The following LAMA5 variants were observed in gnomAD, a reference collection of about 807,000 sequenced individuals.
LAMA5 encodes laminin subunit alpha 5, also known as laminin subunit alpha-5.
A neutral mutation model predicts 433.4 loss-of-function variants in LAMA5; 260 were observed. That is an observed-to-expected ratio of 0.60 (90% CI 0.54 to 0.66). The LOEUF (loss-of-function observed/expected upper bound fraction) is 0.66. Ranked by LOEUF, LAMA5 falls within the 30% of genes least tolerant of loss-of-function variation. The pLI is 0.00. For synonymous variants in LAMA5, 2,620 were observed against 2,226.6 expected, an observed-to-expected ratio of 1.18 and a Z score of -4.97; for missense variants, 5,378 against 5,258.5, an observed-to-expected ratio of 1.02 and a Z score of -0.70.
rs886495482 is a variant in LAMA5 at position 62,314,213 on chromosome 20, G to A, written c.8504+91C>T. ...TGGCGAGTGGGCATGGAGAGGTGAA[G>A]GGTGGTGGGTGCACACGGAGAGGGG... On this transcript the variant is annotated intron_variant, in intron 62 of 79. Transcript: ENST00000252999. The A allele has an allele frequency of 2.0e-6, 3 of 1,473,258 alleles. No homozygotes were observed. In the African/African-American group the frequency reaches 4.2e-5, roughly 20 times the overall value. The allele number at this position is 1,473,258 out of a possible 1,614,324, so 91.3% of individuals were successfully genotyped here. A position where few individuals can be genotyped will look rare whatever the true frequency, so the allele number is the denominator to read the frequency against.
In LAMA5 at chr20:62,359,840, C is replaced by T. The variant is rs1985764694; in HGVS notation, c.450+2560G>A. On this transcript the variant is annotated intron_variant, in intron 2 of 79. Coordinates refer to ENST00000252999, the MANE Select transcript of LAMA5 (RefSeq NM_005560.6). This position sits in a 1 kb window ranked among gnomAD's most constrained non-coding sequence, Gnocchi z 4.3. ...CCCTGCGCCAGCCCCTGCCCCACCG[C>T]ACACCAGGGGTATGAGATCCGAACC... 6.6e-6 allele frequency among the ~76,000 whole-genome samples: 1 copy of T among 152,066 alleles called. No homozygotes were observed. Among genetic ancestry groups the T allele is most frequent in the African/African-American group, 2.4e-5 (1 of 41,396 alleles).
chr20:62,329,597 G>A (rs1979972859), intron 32 of LAMA5, among the ~76,000 whole-genome samples, 180 bp downstream of exon 32: 1 of 152,166 alleles, frequency 6.6e-6, no homozygotes, highest in South Asian at 2.1e-4. Flanking sequence ...CAGGGTCCAG[G>A]GCCCCTCTGG....
At position 62,333,118 on chromosome 20, in the gene LAMA5, G is replaced by A. The variant is rs774088496; in HGVS notation, c.3254C>T (p.Pro1085Leu). The change falls in exon 26 of 80, where the codon CCG (proline) becomes CTG (leucine). Residue 1085 changes from proline to leucine, a missense_variant. Physicochemically the swap from Pro to Leu is moderately conservative, Grantham distance 98. Transcript: ENST00000252999. ...CPTEQLSPSH[P>L]PLITCTGSDV... ...ACTGCCCGTGCAGGTGATCAGTGGC[G>A]GGTGCGACGGGCTGAGCTGCTCCGT... 4.1e-6 allele frequency: 6 copies of A among 1,476,008 alleles called. No individual in the cohort carries two copies. Among genetic ancestry groups the A allele is most frequent in the Admixed American group, 2.6e-5 (1 of 38,138 alleles). The allele number at this position is 1,476,008 out of a possible 1,614,324, so 91.4% of individuals were successfully genotyped here.
At chr20:62,334,979 G>C in intron 20 of LAMA5, 42 bp downstream of exon 20, 1 of 1,577,170 alleles carries the variant, frequency 6.3e-7, no homozygotes, top group Non-Finnish European at 8.7e-7. Flanking sequence ...TAAACCGAGG[G>C]GAGGCAGGGC....
intron 11 of LAMA5, among the ~76,000 whole-genome samples, chr20:62,343,151 C>T (rs1017931490): frequency 1.3e-5 from 2 of 152,336 alleles, no homozygotes; most frequent in East Asian, 1.9e-4. Context: ...CAGCTGGTAA[C>T]GGTAGAGCTG....
rs73916517 is a variant in LAMA5, at chr20:62,311,851, G to A, written c.9636-67C>T. On this transcript the variant is annotated intron_variant, in intron 70 of 79. Transcript: ENST00000252999. ...GCCCACCCCCACCTCAGAGGAGACA[G>A]AGGTCCAGGCAAGTGCAGGCGGGCG... 8.3e-4 allele frequency: 925 copies of A among 1,119,404 alleles called. 5 individuals carry two copies. The African/African-American group carries it at 0.014, about 17-fold the overall frequency. 69.3% of individuals were successfully genotyped at this position (1,119,404 alleles called of 1,614,324 possible). A position where few individuals can be genotyped will look rare whatever the true frequency, so the allele number is the denominator to read the frequency against.
intron 45 of LAMA5, 45 bp from the exon 46 acceptor site, chr20:62,322,803 C>G (rs781527393): frequency 3.1e-6 from 4 of 1,280,002 alleles, no homozygotes; most frequent in Admixed American, 3.0e-5. Context: ...CTCTCACCCC[C>G]CCAGGGAGCC....
At chr20:62,366,485 C>T (rs1986738448) in intron 1 of LAMA5, among the ~76,000 whole-genome samples, 1 of 152,232 alleles carries the variant, frequency 6.6e-6, no homozygotes, top group Non-Finnish European at 1.5e-5. Flanking sequence ...CCCTAGACTC[C>T]TCCGAGAGGG....
rs147009084 is a variant in LAMA5 at position 62,309,546 on chromosome 20, G to A, written c.10949-71C>T. 75 of 1,261,668 alleles carry A rather than the reference G, an allele frequency of 5.9e-5. No individual in the cohort carries two copies. The East Asian group carries it at 2.1e-3, about 36-fold the overall frequency. 78.2% of individuals were successfully genotyped at this position (1,261,668 alleles called of 1,614,324 possible). On this transcript the variant is annotated intron_variant, in intron 79 of 79. Transcript: ENST00000252999. Reference sequence around the variant, plus strand: ...AGAGACCCACAGGCCCTTCCCAAACGTCAGTGCCCCACCCAGCCCCTGTCT... The same window carrying A: ...AGAGACCCACAGGCCCTTCCCAAACATCAGTGCCCCACCCAGCCCCTGTCT...
At position 62,324,455 on chromosome 20, in the gene LAMA5, A is replaced by G. The variant is rs916216649; in HGVS notation, c.5629T>C (p.Ser1877Pro). 2.5e-6 allele frequency: 4 copies of G among 1,611,472 alleles called. No individual in the cohort carries two copies. The African/African-American group carries it at 5.3e-5, about 22-fold the overall frequency. Residue 1877 changes from serine to proline, a missense_variant, in exon 42 of 80, where the codon TCT (serine) becomes CCT (proline). Physicochemically the swap from Ser to Pro is moderately conservative, Grantham distance 74 (BLOSUM62 -1). Coordinates refer to ENST00000252999, the MANE Select transcript of LAMA5 (RefSeq NM_005560.6). This position sits in a 1 kb window ranked among gnomAD's most constrained non-coding sequence, Gnocchi z 4.4. ...CCCCTACTCACCACACAGACGCCAGAGCCAGGGAGGCAGCGGTCTGAGTGT... is the reference window on the plus strand; with the variant it reads ...CCCCTACTCACCACACAGACGCCAGGGCCAGGGAGGCAGCGGTCTGAGTGT... ...HGHSDRCLPG[S>P]GVCVDCQHNT...
chr20:62,329,298 C>CA, intron 32 of LAMA5, 45 bp from the exon 33 acceptor site: 1 of 1,454,226 alleles, frequency 6.9e-7, no homozygotes, highest in Non-Finnish European at 9.6e-7. Flanking sequence ...CCAGAGCCTG[C>CA]AGCGGGGAGG....
At chr20:62,336,287 G>A (rs1981612563) in intron 18 of LAMA5, 53 bp downstream of exon 18, 1 of 1,308,770 alleles carries the variant, frequency 7.6e-7, no homozygotes, top group Non-Finnish European at 1.1e-6. Flanking sequence ...ATATACTTGT[G>A]GGCACAGTTC....
intron 11 of LAMA5, among the ~76,000 whole-genome samples, chr20:62,344,144 C>CAA (rs34940052): frequency 7.3e-5 from 6 of 82,642 alleles, no homozygotes; most frequent in Non-Finnish European, 4.8e-5. Flanking sequence ...AACTCCATCT[C>CAA]AAAAAAAAAA....
chr20:62,355,737 C>G lies in LAMA5; in HGVS notation c.451-2486G>C, dbSNP rs675544. Reference sequence around the variant, plus strand: ...CAGACCCTATACCCAGCCCCACACCCGGGCCTCAGCAGCCCCCTGTGGGCC... The same window carrying G: ...CAGACCCTATACCCAGCCCCACACCGGGGCCTCAGCAGCCCCCTGTGGGCC... On this transcript the variant is annotated intron_variant, in intron 2 of 79. Transcript: ENST00000252999. Among the ~76,000 whole-genome samples, 7 of 152,100 alleles carry G rather than the reference C, an allele frequency of 4.6e-5. No individual in the cohort carries two copies. In the East Asian group the frequency reaches 1.4e-3, roughly 30 times the overall value.
intron 73 of LAMA5, 27 bp downstream of exon 73, chr20:62,311,135 G>A (rs1986224696): frequency 6.4e-7 from 1 of 1,564,584 alleles, no homozygotes; most frequent in East Asian, 2.3e-5. Context: ...GCCCCTCTCA[G>A]CCCACCCCAG....
Position 62,331,072 on chromosome 20 carries a change from C to T in LAMA5, c.3610G>A (p.Val1204Ile). ...EFSPEFVEPR[V>I]SCISSHGAFG... ...GCGCCGTGGCTGCTGATGCAGCTGA[C>T]CCGGGGCTCCACGAACTCCGGGCTG... Residue 1204 changes from valine (V) to isoleucine (I), a missense_variant, in exon 29 of 80, where the codon GTC becomes ATC. By Grantham distance (29) the Val-to-Ile change is conservative (BLOSUM62 3). Transcript: ENST00000252999. 3 of 1,604,374 alleles carry T rather than the reference C, an allele frequency of 1.9e-6. No individual in the cohort carries two copies. Among genetic ancestry groups the T allele is most frequent in the Non-Finnish European group, 1.7e-6 (2 of 1,175,626 alleles).
In LAMA5 at chr20:62,325,523, C is replaced by A. The variant is rs2427285; in HGVS notation, c.5322G>T (p.Thr1774=). 0.93 allele frequency: 1,502,568 copies of A among 1,610,980 alleles called. 702,049 individuals carry two copies. Among genetic ancestry groups the A allele is most frequent in the East Asian group, 0.98 (44,128 of 44,830 alleles). The change falls in exon 41 of 80, where the codon ACG becomes ACT. Residue 1774 remains threonine, a synonymous_variant. Coordinates refer to ENST00000252999, the MANE Select transcript of LAMA5 (RefSeq NM_005560.6). ...GCTCCTCGCGGGACACAGTGTTGCG[C>A]GTCTCCGTATGCCGGAAGTTCCCCT... ...LVEGNFRHTE[T]RNTVSREELM...
Position 62,313,784 on chromosome 20 carries a change from G to C in LAMA5, c.8523C>G (p.His2841Gln), listed in dbSNP as rs200154650. The change falls in exon 63 of 80, where the codon CAC becomes CAG. Residue 2841 changes from histidine (H) to glutamine (Q), a missense_variant. Coordinates refer to ENST00000252999, the MANE Select transcript of LAMA5 (RefSeq NM_005560.6). ...TCTGTCTCTCCACTGTGACGGACATGTGGCCAAACTGGAGAGTCCTGAGGG... is the reference window on the plus strand; with the variant it reads ...TCTGTCTCTCCACTGTGACGGACATCTGGCCAAACTGGAGAGTCCTGAGGG... Reference protein sequence around the residue: ...VSLDRTLQFGHMSVTVERQMI... With the variant: ...VSLDRTLQFGQMSVTVERQMI... 6.2e-7 allele frequency: 1 copy of C among 1,612,764 alleles called. No homozygotes were observed. Among genetic ancestry groups the C allele is most frequent in the Non-Finnish European group, 8.5e-7 (1 of 1,179,972 alleles).
Position 62,317,693 on chromosome 20 carries a change from C to T in LAMA5, c.7325G>A (p.Arg2442Lys), listed in dbSNP as rs1168841874. 7 of 1,600,474 alleles carry T rather than the reference C, an allele frequency of 4.4e-6. No individual in the cohort carries two copies. The highest frequency in any genetic ancestry group is 5.1e-6 in the Non-Finnish European group (6 of 1,174,302). Residue 2442 changes from arginine (R) to lysine (K), a missense_variant, in exon 54 of 80, where the codon AGA (arginine) becomes AAA (lysine). By Grantham distance (26) the Arg-to-Lys change is conservative. Transcript: ENST00000252999. ...AARDTLASVF[R>K]LLHSLDQAKE... is the part of the protein sequence containing the mutation. ...AGCCTGGTCCAGGCTGTGCAGCAATCTGAAGACGCTGGCCAGGGTGTCCCT... is the reference window on the plus strand; with the variant it reads ...AGCCTGGTCCAGGCTGTGCAGCAATTTGAAGACGCTGGCCAGGGTGTCCCT...
Sources: gnomAD v4.1 joint callset for allele counts (sites outside exome capture counted in the v4.1 genomes callset) on GRCh38, gnomAD v4.1.1 for gene constraint, Gnocchi (gnomAD v3.1) non-coding constraint, MANE v1.5 for transcripts, NCBI Gene and HGNC (gene_info 2026-07-23, HGNC 2026-07-21) for gene names.